The following RUFY3 variants were observed in gnomAD, a reference collection of about 807,000 sequenced individuals.
RUFY3 encodes protein RUFY3.
In RUFY3, 34 loss-of-function variants were observed where a neutral mutation model predicts 84.0. That is an observed-to-expected ratio of 0.40 (90% CI 0.31 to 0.54). RUFY3 has a LOEUF of 0.54. Ranked by LOEUF, RUFY3 falls within the 20% of genes least tolerant of loss-of-function variation. The pLI is 0.39. For synonymous variants in RUFY3, 242 were observed against 252.9 expected (o/e 0.96, Z 0.41); for missense variants, 507 against 736.8 (o/e 0.69, Z 3.61).
chr4:70,727,847 G>A (rs1273566659), intron 1 of RUFY3, among the ~76,000 whole-genome samples: 1 of 151,616 alleles, frequency 6.6e-6, no homozygotes, highest in Non-Finnish European at 1.5e-5. Context: ...GTATACGCAT[G>A]TCCACATACG....
intron 1 of RUFY3, among the ~76,000 whole-genome samples, chr4:70,706,088 A>G (rs1249628222): frequency 6.6e-6 from 1 of 152,166 alleles, no homozygotes; most frequent in Non-Finnish European, 1.5e-5. Flanking sequence ...TGTGCTGGCA[A>G]ACGAGTAGGG....
intron 1 of RUFY3, among the ~76,000 whole-genome samples, chr4:70,712,256 T>C (rs1294012783): frequency 6.6e-6 from 1 of 152,248 alleles, no homozygotes; most frequent in African/African-American, 2.4e-5. Context: ...GATATTTTTG[T>C]GTGCCGTGCA....
At chr4:70,734,513 A>G (rs1719961622) in intron 1 of RUFY3, 1 of 985,414 alleles carries the variant, frequency 1.0e-6, no homozygotes. Context: ...TCAGAAGCCT[A>G]TGGGACAAAG....
At chr4:70,753,191 G>A (rs780210141) in intron 1 of RUFY3, among the ~76,000 whole-genome samples, 5 of 152,100 alleles carry the variant, frequency 3.3e-5, no homozygotes, top group Admixed American at 6.5e-5. Flanking sequence ...ACAGTTGTCC[G>A]TAGTATTCCC....
intron 7 of RUFY3, 135 bp downstream of exon 7, chr4:70,775,368 A>C: frequency 1.9e-6 from 1 of 513,496 alleles, no homozygotes; most frequent in African/African-American, 2.0e-5. Context: ...CCAGGCACTG[A>C]GTTAGGCACT....
intron 8 of RUFY3, 126 bp downstream of exon 8, chr4:70,778,564 C>CTTA: frequency 3.2e-6 from 1 of 316,942 alleles, no homozygotes; most frequent in Non-Finnish European, 6.0e-6. Context: ...TAGTACATAA[C>CTTA]TTCTTATTCT....
At chr4:70,718,942 C>T (rs921112026), upstream of RUFY3, among the ~76,000 whole-genome samples, 3 of 152,124 alleles carry the variant, frequency 2.0e-5, no homozygotes, top group Non-Finnish European at 4.4e-5. Context: ...CTTGAACTCC[C>T]GACTTCAGGT....
At position 70,704,865 on chromosome 4, in the gene RUFY3, T is replaced by C. The variant is rs1042201015; in HGVS notation, c.-72T>C. 5.8e-6 allele frequency: 6 copies of C among 1,038,580 alleles called. No individual in the cohort carries two copies. In the African/African-American group the frequency reaches 1.0e-4, roughly 17 times the overall value. 64.3% of individuals were successfully genotyped at this position (1,038,580 alleles called of 1,614,324 possible). A position where few individuals can be genotyped will look rare whatever the true frequency, so the allele number is the denominator to read the frequency against. On this transcript the variant is annotated 5_prime_UTR_variant, in exon 1 of 12. Coordinates refer to the RUFY3 transcript ENST00000417478. ...GCGGACGGGACGGGGCGGCGGCTCC[T>C]CGCCCTGACCCTCTGCTCCCCCGCC...
chr4:70,756,695 G>A (rs1724075946), intron 1 of RUFY3, among the ~76,000 whole-genome samples: 2 of 152,120 alleles, frequency 1.3e-5, no homozygotes, highest in Admixed American at 6.5e-5. Context: ...AACACACGGG[G>A]CCCCTAAAAT....
intron 1 of RUFY3, among the ~76,000 whole-genome samples, chr4:70,710,724 CAT>C (rs778310050): frequency 5.3e-5 from 8 of 151,770 alleles, no homozygotes; most frequent in South Asian, 4.2e-4. Flanking sequence ...GAATTGAACA[CAT>C]GTTTTTTGTT....
intron 4 of RUFY3, among the ~76,000 whole-genome samples, chr4:70,766,313 C>T (rs950505755): frequency 1.3e-5 from 2 of 152,138 alleles, no homozygotes; most frequent in South Asian, 2.1e-4. Context: ...GGTGCAATCA[C>T]GGCTCACTGC....
chr4:70,794,830 A>G lies in RUFY3; in HGVS notation c.1493A>G (p.Glu498Gly), dbSNP rs1731307756. The change falls in exon 14 of 18, where the codon GAA becomes GGA. Residue 498 changes from glutamate to glycine, a missense_variant. By Grantham distance (98) the Glu-to-Gly change is moderately conservative. This residue lies in a region of RUFY3 where 334 missense variants were observed against 364.1 expected (regional missense o/e 0.92). Coordinates refer to ENST00000381006, the MANE Select transcript of RUFY3 (RefSeq NM_001037442.4). Reference sequence around the variant, plus strand: ...GAGTTAGAACTAAAACAGGAAAAAGAAAGAAGATTACAAAACGACAGGAGC... The same window carrying G: ...GAGTTAGAACTAAAACAGGAAAAAGGAAGAAGATTACAAAACGACAGGAGC... ...QLELELKQEK[E>G]RRLQNDRSIP... 1 of 1,613,358 alleles carries G rather than the reference A, an allele frequency of 6.2e-7. No homozygotes were observed. Among genetic ancestry groups the G allele is most frequent in the Non-Finnish European group, 8.5e-7 (1 of 1,179,654 alleles).
chr4:70,706,566 A>T (rs1433542243), intron 1 of RUFY3, among the ~76,000 whole-genome samples: 1 of 152,216 alleles, frequency 6.6e-6, no homozygotes, highest in Non-Finnish European at 1.5e-5. Flanking sequence ...TGCTAAACCC[A>T]TGCTCTTTAA....
intron 14 of RUFY3, among the ~76,000 whole-genome samples, chr4:70,799,160 A>G (rs1225063609): frequency 1.3e-4 from 20 of 151,702 alleles, no homozygotes; most frequent in Middle Eastern, 3.4e-3. Flanking sequence ...AAAAAAAAAA[A>G]AGAGAAAAGA....
rs11333991 is a variant in RUFY3 at position 70,749,523 on chromosome 4, G to GT, written c.179-12981dup. On this transcript the variant is annotated intron_variant, in intron 1 of 17. Coordinates refer to ENST00000381006, the MANE Select transcript of RUFY3 (RefSeq NM_001037442.4). ...TTCAATGCTAAAGCCCATCAAAAGG[G>GT]TTTTTTTTTTTTTTTGGTTATATAC... is the stretch of plus-strand genomic sequence containing the variant. Among the ~76,000 whole-genome samples, 544 of 139,436 alleles carry GT rather than the reference G, an allele frequency of 3.9e-3. 7 individuals are homozygous for GT. Among genetic ancestry groups the GT allele is most frequent in the African/African-American group, 0.013 (483 of 38,262 alleles). The allele number at this position is 139,436 out of a possible 152,430, so 91.5% of individuals were successfully genotyped here.
At chr4:70,783,224 A>G (rs373370626) in intron 9 of RUFY3, 41 bp downstream of exon 9, 21 of 1,298,984 alleles carry the variant, frequency 1.6e-5, no homozygotes, top group Non-Finnish European at 2.3e-5. Context: ...CTGAGAGCAT[A>G]TCAACTTGTT....
intron 11 of RUFY3, among the ~76,000 whole-genome samples, 187 bp downstream of exon 11, chr4:70,789,160 A>C (rs578155737): frequency 1.3e-5 from 2 of 152,320 alleles, no homozygotes; most frequent in East Asian, 3.9e-4. Context: ...CTGTTCTAGA[A>C]AACCATGGCC....
chr4:70,787,824 A>G (rs1665807133), intron 10 of RUFY3, among the ~76,000 whole-genome samples: 1 of 152,258 alleles, frequency 6.6e-6, no homozygotes, highest in Middle Eastern at 3.4e-3. Flanking sequence ...CAGTAAGACA[A>G]ATGTTTGTTA....
exon 1 of RUFY3, chr4:70,704,881 C>T: frequency 8.8e-7 from 1 of 1,134,012 alleles, no homozygotes; most frequent in Non-Finnish European, 1.1e-6. Flanking sequence ...TGACCCTCTG[C>T]TCCCCCGCCC....
Sources: allele counts gnomAD v4.1 joint callset (sites outside exome capture counted in the v4.1 genomes callset), GRCh38; gene constraint gnomAD v4.1.1; regional missense constraint gnomAD v4.1.1; transcripts MANE v1.5; gene names NCBI Gene and HGNC (gene_info 2026-07-23, HGNC 2026-07-21).